The following ZNF827 variants were observed in gnomAD, a reference collection of about 807,000 sequenced individuals.
ZNF827 encodes zinc finger protein 827.
Under a neutral mutation model 102.4 loss-of-function variants are expected in ZNF827, and 13 were observed. That is an observed-to-expected ratio of 0.13 (90% CI 0.08 to 0.20). The LOEUF is 0.20. Among genes scored for constraint, ZNF827 ranks in the 10% least tolerant of loss-of-function variants. The pLI, the probability that ZNF827 is intolerant of heterozygous loss-of-function variation, is 1.00. For synonymous variants in ZNF827, 523 were observed against 536.2 expected, an observed-to-expected ratio of 0.98 and a Z score of 0.34; for missense variants, 1,103 against 1,344.4, an observed-to-expected ratio of 0.82 and a Z score of 2.81.
chr4:145,835,831 A>T (rs925103668), intron 7 of ZNF827, among the ~76,000 whole-genome samples: 10 of 148,778 alleles, frequency 6.7e-5, no homozygotes, highest in African/African-American at 1.2e-4. Flanking sequence ...TCCTTACAAT[A>T]CCCCCATTTT....
intron 3 of ZNF827, among the ~76,000 whole-genome samples, chr4:145,887,278 G>A (rs1750195861): frequency 6.6e-6 from 1 of 151,840 alleles, no homozygotes; most frequent in Non-Finnish European, 1.5e-5. Context: ...AGGCTCATGC[G>A]TTAATCCGCT....
chr4:145,927,276 T>G (rs1349407004), intron 1 of ZNF827, among the ~76,000 whole-genome samples: 1 of 152,230 alleles, frequency 6.6e-6, no homozygotes, highest in Admixed American at 6.5e-5. Flanking sequence ...ACAGTGTCAC[T>G]GCATGTGACT....
intron 8 of ZNF827, among the ~76,000 whole-genome samples, chr4:145,822,555 C>A (rs1481974687): frequency 6.6e-6 from 1 of 152,184 alleles, no homozygotes; most frequent in African/African-American, 2.4e-5. Flanking sequence ...GCCCTGCACA[C>A]AGGTGGCCAC....
intron 8 of ZNF827, among the ~76,000 whole-genome samples, chr4:145,821,805 C>T (rs1361573990): frequency 1.3e-5 from 2 of 152,120 alleles, no homozygotes; most frequent in African/African-American, 4.8e-5. Context: ...GGAAAACCCC[C>T]CGATGCACAG....
At chr4:145,895,936 AC>A (rs1037735780) in intron 2 of ZNF827, among the ~76,000 whole-genome samples, 10 of 152,190 alleles carry the variant, frequency 6.6e-5, no homozygotes, top group Non-Finnish European at 4.4e-5. Context: ...CTAATAAATA[AC>A]TTTTCCCAAG....
At chr4:145,929,741 C>T (rs150056420) in intron 1 of ZNF827, among the ~76,000 whole-genome samples, 331 of 152,342 alleles carry the variant, frequency 2.2e-3, no homozygotes, top group African/African-American at 7.6e-3. Context: ...ACACCTTTCA[C>T]ATACTTAATA....
At chr4:145,936,677 C>A (rs959222476) in intron 1 of ZNF827, among the ~76,000 whole-genome samples, 1 of 152,078 alleles carries the variant, frequency 6.6e-6, no homozygotes, top group Non-Finnish European at 1.5e-5. Context: ...GGTTATTTCG[C>A]GAGGGGGAGA....
intron 7 of ZNF827, chr4:145,839,362 C>G (rs537576882): frequency 1.3e-5 from 2 of 152,358 alleles, no homozygotes; most frequent in South Asian, 4.1e-4. Flanking sequence ...GAACCCTGCA[C>G]ATCCGGATAC....
At chr4:145,779,957 G>C (rs1737723336) in intron 8 of ZNF827, among the ~76,000 whole-genome samples, 1 of 152,244 alleles carries the variant, frequency 6.6e-6, no homozygotes, top group Admixed American at 6.5e-5. Context: ...TTGGGAGGCT[G>C]AGGCGAGTAG....
chr4:145,835,425 T>C (rs950554762), intron 7 of ZNF827: 5 of 148,530 alleles, frequency 3.4e-5, no homozygotes, highest in African/African-American at 1.3e-4. Flanking sequence ...CTCTTAAAAC[T>C]CCCCAACTCT....
intron 5 of ZNF827, among the ~76,000 whole-genome samples, chr4:145,863,411 G>T (rs1474972670): frequency 1.3e-5 from 2 of 152,266 alleles, no homozygotes; most frequent in East Asian, 3.9e-4. Context: ...ATACCCAAGA[G>T]AATTAAAAAC....
intron 1 of ZNF827, 87 bp downstream of exon 1, chr4:145,938,278 G>C (rs925585560): frequency 6.5e-7 from 1 of 1,530,572 alleles, no homozygotes; most frequent in Non-Finnish European, 9.1e-7. Context: ...AACTAATGCA[G>C]AAAACAACGG....
At chr4:145,876,003 T>C (rs1442013741) in intron 4 of ZNF827, among the ~76,000 whole-genome samples, 7 of 152,236 alleles carry the variant, frequency 4.6e-5, no homozygotes, top group Non-Finnish European at 7.3e-5. Context: ...ACCACTAATA[T>C]GTTGCCAAGT....
At chr4:145,935,081 CCTTT>C (rs1702086684) in intron 1 of ZNF827, among the ~76,000 whole-genome samples, 1 of 152,146 alleles carries the variant, frequency 6.6e-6, no homozygotes, top group Non-Finnish European at 1.5e-5. Flanking sequence ...GTTACACACT[CCTTT>C]CTTTTAGAGT....
At chr4:145,858,784 G>A (rs1272724448) in intron 5 of ZNF827, among the ~76,000 whole-genome samples, 1 of 152,128 alleles carries the variant, frequency 6.6e-6, no homozygotes, top group African/African-American at 2.4e-5. Context: ...TATGCACAGA[G>A]GGATTCCTTA....
chr4:145,788,822 C>T (rs960558555), intron 8 of ZNF827, among the ~76,000 whole-genome samples: 1 of 152,156 alleles, frequency 6.6e-6, no homozygotes, highest in Non-Finnish European at 1.5e-5. Flanking sequence ...ATTTATAAGT[C>T]TTTGTTAGAA....
rs1421204600 is a variant in ZNF827, at chr4:145,938,415, C to G, written c.-8G>C. On this transcript the variant is annotated 5_prime_UTR_variant, in exon 1 of 15. Transcript: ENST00000508784. Reference sequence around the variant, plus strand: ...CTGCTTCCTCCTGGGCATTTTCCCCCTTTTCTCACATTCTCCTCCTTGGTT... The same window carrying G: ...CTGCTTCCTCCTGGGCATTTTCCCCGTTTTCTCACATTCTCCTCCTTGGTT... 2 of 1,610,644 alleles carry G rather than the reference C, an allele frequency of 1.2e-6. No individual in the cohort carries two copies. Among genetic ancestry groups the G allele is most frequent in the Non-Finnish European group, 1.7e-6 (2 of 1,179,062 alleles).
intron 7 of ZNF827, among the ~76,000 whole-genome samples, chr4:145,838,794 T>C (rs1397900206): frequency 2.6e-5 from 4 of 152,212 alleles, no homozygotes; most frequent in Admixed American, 6.5e-5. Flanking sequence ...CTCTAGGTAG[T>C]AGGACTAAAA....
chr4:145,796,619 TC>T (rs1740404489), intron 8 of ZNF827, among the ~76,000 whole-genome samples: 1 of 117,746 alleles, frequency 8.5e-6, no homozygotes, highest in Admixed American at 1.1e-4. Flanking sequence ...TATCATTTGT[TC>T]CTCTTTTTTT....
Sources: gnomAD v4.1 joint callset for allele counts (sites outside exome capture counted in the v4.1 genomes callset) on GRCh38, gnomAD v4.1.1 for gene constraint, MANE v1.5 for transcripts, NCBI Gene and HGNC (gene_info 2026-07-23, HGNC 2026-07-21) for gene names.